Variants in TRPC5 observed in about 807,000 individuals in gnomAD.
The protein encoded by TRPC5 is short transient receptor potential channel 5.
In TRPC5, 9 loss-of-function variants were observed where a neutral mutation model predicts 56.5. The observed-to-expected ratio is 0.16, with a 90% CI of 0.10 to 0.28. The LOEUF (loss-of-function observed/expected upper bound fraction) is 0.28. Ranked by LOEUF, TRPC5 falls within the 10% of genes least tolerant of loss-of-function variation. The pLI, the probability that TRPC5 is intolerant of heterozygous loss-of-function variation, is 1.00. For synonymous variants in TRPC5, 282 were observed against 278.5 expected, an observed-to-expected ratio of 1.01 and a Z score of -0.13; for missense variants, 469 against 748.9, an observed-to-expected ratio of 0.63 and a Z score of 4.36.
intron 1 of TRPC5, among the ~76,000 whole-genome samples, chrX:112,011,679 G>A (rs1928996901): frequency 9.0e-6 from 1 of 111,206 alleles, no homozygotes; most frequent in South Asian, 3.9e-4. Context: ...GGTCAGGTGG[G>A]TGGCTAAAAG....
At chrX:111,857,798 G>A (rs1376815351) in intron 3 of TRPC5, among the ~76,000 whole-genome samples, 1 of 112,560 alleles carries the variant, frequency 8.9e-6, no homozygotes, top group Non-Finnish European at 1.9e-5. Flanking sequence ...TACTGCATCA[G>A]CCTGAACCAA....
intron 3 of TRPC5, among the ~76,000 whole-genome samples, chrX:111,889,300 G>A (rs749643086): frequency 9.0e-6 from 1 of 111,642 alleles, no homozygotes; most frequent in East Asian, 2.8e-4. Flanking sequence ...GGGTAGTAAG[G>A]TGGAGTGGCC....
chrX:111,935,687 T>G (rs943483488), intron 2 of TRPC5, among the ~76,000 whole-genome samples: 15 of 112,379 alleles, frequency 1.3e-4, no homozygotes, highest in Non-Finnish European at 2.6e-4. Flanking sequence ...CTTCTGCATG[T>G]GGATATCCAG....
At chrX:112,041,253 C>T (rs1221312919) in intron 1 of TRPC5, among the ~76,000 whole-genome samples, 1 of 111,874 alleles carries the variant, frequency 8.9e-6, no homozygotes, top group Non-Finnish European at 1.9e-5. Context: ...ACATTTGGCA[C>T]AAGAGCATAA....
At chrX:111,822,805 A>G (rs768367513) in intron 7 of TRPC5, among the ~76,000 whole-genome samples, 27 of 111,610 alleles carry the variant, frequency 2.4e-4, no homozygotes, top group Non-Finnish European at 4.9e-4. Flanking sequence ...AGATGGGGAG[A>G]GGTATTTTTT....
intron 1 of TRPC5, among the ~76,000 whole-genome samples, chrX:111,990,212 G>C (rs1928316905): frequency 9.0e-6 from 1 of 111,238 alleles, no homozygotes; most frequent in South Asian, 3.8e-4. Context: ...GAGGTCAGGA[G>C]TTCGAGACCA....
At chrX:112,046,261 A>G (rs1015163420) in intron 1 of TRPC5, among the ~76,000 whole-genome samples, 1 of 104,642 alleles carries the variant, frequency 9.6e-6, no homozygotes, top group African/African-American at 3.5e-5. Flanking sequence ...GAGCTTGTTC[A>G]AGGCTATTGG....
intron 1 of TRPC5, among the ~76,000 whole-genome samples, chrX:112,046,961 A>G (rs181501488): frequency 5.4e-5 from 6 of 111,469 alleles, no homozygotes; most frequent in African/African-American, 1.6e-4. Context: ...CAAGAGTTCA[A>G]AAACAGTGCA....
chrX:111,872,652 C>A (rs1923799023), intron 3 of TRPC5, among the ~76,000 whole-genome samples: 1 of 111,193 alleles, frequency 9.0e-6, no homozygotes, highest in Non-Finnish European at 1.9e-5. Context: ...TGGAAGATTG[C>A]CTAAGCATGG....
chrX:112,034,909 A>G (rs1181384236), intron 1 of TRPC5, among the ~76,000 whole-genome samples: 2 of 108,676 alleles, frequency 1.8e-5, no homozygotes, highest in African/African-American at 6.7e-5. Flanking sequence ...GATCTTATCA[A>G]ACAACTAACT....
Position 112,001,857 on chromosome X carries a change from A to T in TRPC5, c.-21-49416T>A, listed in dbSNP as rs778456848. Among the ~76,000 whole-genome samples the T allele has an allele frequency of 3.6e-5, 4 of 112,459 alleles. No individual in the cohort carries two copies. The South Asian group carries it at 1.5e-3, about 41-fold the overall frequency. ...CTAAGCACATAAAACAGTACTTGGC[A>T]CATAGTAGGTGTTCAGTAAATATTT... On this transcript the variant is annotated intron_variant, in intron 1 of 10. Coordinates refer to ENST00000262839, the MANE Select transcript of TRPC5 (RefSeq NM_012471.3).
rs140433123 is a variant in TRPC5 at position 112,024,131 on chromosome X, C to T, written c.-22+57748G>A. ...CTAATGATTTCCCAAGTTCTATCTCCCTTTACAAAAAGAAGAGTTTCCCTC... is the reference window on the plus strand; with the variant it reads ...CTAATGATTTCCCAAGTTCTATCTCTCTTTACAAAAAGAAGAGTTTCCCTC... On this transcript the variant is annotated intron_variant, in intron 1 of 10. Transcript: ENST00000262839. Among the ~76,000 whole-genome samples the T allele has an allele frequency of 3.4e-3, 378 of 111,808 alleles. 2 individuals carry two copies. Among genetic ancestry groups the T allele is most frequent in the Non-Finnish European group, 5.3e-3 (280 of 53,174 alleles).
chrX:111,899,254 C>T (rs1458017715), intron 3 of TRPC5, among the ~76,000 whole-genome samples: 3 of 111,073 alleles, frequency 2.7e-5, no homozygotes, highest in Non-Finnish European at 5.7e-5. Flanking sequence ...TCATGGGCCA[C>T]ATAAAGTAAT....
intron 3 of TRPC5, among the ~76,000 whole-genome samples, chrX:111,891,405 C>G (rs1924797251): frequency 1.8e-5 from 2 of 111,918 alleles, no homozygotes; most frequent in African/African-American, 6.5e-5. Flanking sequence ...TAATAGGAGC[C>G]AAGAAATCAG....
intron 1 of TRPC5, among the ~76,000 whole-genome samples, chrX:111,964,873 C>T (rs1029907510): frequency 8.9e-6 from 1 of 111,874 alleles, no homozygotes; most frequent in Non-Finnish European, 1.9e-5. Context: ...CAAAAACATG[C>T]TAAAATGTAA....
intron 3 of TRPC5, among the ~76,000 whole-genome samples, chrX:111,867,792 T>A (rs1267100336): frequency 9.0e-6 from 1 of 111,529 alleles, no homozygotes; most frequent in African/African-American, 3.3e-5. Flanking sequence ...AAACACATAA[T>A]CCACACACAA....
At chrX:111,910,244 A>AT (rs997185686) in intron 3 of TRPC5, among the ~76,000 whole-genome samples, 2 of 111,864 alleles carry the variant, frequency 1.8e-5, no homozygotes, top group Admixed American at 9.5e-5. Flanking sequence ...AATATCTGTG[A>AT]TTTTTTTTCT....
chrX:111,942,391 A>G (rs747020834), intron 2 of TRPC5, among the ~76,000 whole-genome samples: 1 of 110,109 alleles, frequency 9.1e-6, no homozygotes, highest in African/African-American at 3.3e-5. Flanking sequence ...TTCTAGATAG[A>G]CACTACTTGT....
chrX:111,941,946 G>T (rs1347158502), intron 2 of TRPC5, among the ~76,000 whole-genome samples: 4 of 111,837 alleles, frequency 3.6e-5, no homozygotes, highest in East Asian at 5.7e-4. Flanking sequence ...AATGAGGGCT[G>T]CTGGGGATCT....
Sources: allele counts gnomAD v4.1 joint callset (sites outside exome capture counted in the v4.1 genomes callset), GRCh38; gene constraint gnomAD v4.1.1; transcripts MANE v1.5; gene names NCBI Gene and HGNC (gene_info 2026-07-23, HGNC 2026-07-21).